TG: variants seen among roughly 807,000 people sequenced by gnomAD.
TG encodes thyroglobulin.
TG carries 270 observed loss-of-function variants against 324.7 expected under a neutral mutation model. The ratio of observed to expected loss-of-function variants is 0.83; its 90% CI spans 0.75 to 0.92. TG has a LOEUF of 0.92. Ranked by LOEUF, TG falls within the 40% of genes least tolerant of loss-of-function variation. TG has a pLI of 0.00. For synonymous variants in TG, 1,401 were observed against 1,327.0 expected (o/e 1.06, Z -1.21); for missense variants, 3,591 against 3,456.4 (o/e 1.04, Z -0.98).
intron 40 of TG, among the ~76,000 whole-genome samples, chr8:133,023,309 AT>A (rs33939013): frequency 0.16 from 24,892 of 152,012 alleles, 2,595 homozygotes; most frequent in African/African-American, 0.29. Flanking sequence ...CAGATTTCAG[AT>A]TTTTTTTGAT....
chr8:132,946,939 C>T (rs2205452), intron 26 of TG, among the ~76,000 whole-genome samples: 121,029 of 152,116 alleles, frequency 0.8, 48,212 homozygotes, highest in Admixed American at 0.85. Context: ...AAAGGAAAAA[C>T]GCACTCTGCC....
chr8:132,900,361 C>A, intron 15 of TG, 22 bp downstream of exon 15: 1 of 1,593,376 alleles, frequency 6.3e-7, no homozygotes, highest in East Asian at 2.3e-5. Flanking sequence ...CCCCTCCTGG[C>A]ATGGCTTCTC....
Position 132,888,377 on chromosome 8 carries a change from C to T in TG, c.2570C>T (p.Pro857Leu). 6.2e-7 allele frequency: 1 copy of T among 1,614,130 alleles called. No homozygotes were observed. The highest frequency in any genetic ancestry group is 8.5e-7 in the Non-Finnish European group (1 of 1,180,016). ...GCACTGGAAGGGAAACGGCCCCAGC[C>T]CAGGGAGAATATCCTCCTGGAGCCC... ...LAALEGKRPQ[P>L]RENILLEPYL... Residue 857 changes from proline to leucine, a missense_variant, in exon 10 of 48, where the codon CCC (proline) becomes CTC (leucine). Coordinates refer to ENST00000220616, the MANE Select transcript of TG (RefSeq NM_003235.5).
chr8:132,961,006 A>G lies in TG; in HGVS notation c.5402-2A>G. Reference sequence around the variant, plus strand: ...CATAAAAATAAACATCTTCCTTTGCAGGTCTGACACCCTTAGAAGGAACTC... The same window carrying G: ...CATAAAAATAAACATCTTCCTTTGCGGGTCTGACACCCTTAGAAGGAACTC... On this transcript the variant is annotated splice_acceptor_variant, in intron 27 of 47. Transcript: ENST00000220616. LOFTEE classifies it high-confidence loss of function. 1 of 1,614,016 alleles carries G rather than the reference A, an allele frequency of 6.2e-7. No individual in the cohort carries two copies. Among genetic ancestry groups the G allele is most frequent in the Non-Finnish European group, 8.5e-7 (1 of 1,179,900 alleles).
chr8:133,128,884 T>C (rs1164968979), intron 45 of TG, among the ~76,000 whole-genome samples: 1 of 152,212 alleles, frequency 6.6e-6, no homozygotes, highest in Non-Finnish European at 1.5e-5. Flanking sequence ...CGCAGGGCAA[T>C]GAAGCCACAT....
chr8:132,970,414 T>C (rs1564020674), intron 32 of TG, among the ~76,000 whole-genome samples: 1 of 152,114 alleles, frequency 6.6e-6, no homozygotes, highest in East Asian at 1.9e-4. Flanking sequence ...TTGGGTCCTA[T>C]TTCAAACCTG....
chr8:133,075,219 G>C, intron 41 of TG: 1 of 730,790 alleles, frequency 1.4e-6, no homozygotes, highest in Non-Finnish European at 1.7e-6. Flanking sequence ...TCAGAAGCTT[G>C]GTCTTCTTTC....
Position 132,873,177 on chromosome 8 carries a change from C to T in TG, c.594C>T (p.Asn198=). 6.2e-7 allele frequency: 1 copy of T among 1,614,142 alleles called. No homozygotes were observed. The highest frequency in any genetic ancestry group is 1.3e-5 in the African/African-American group (1 of 75,016). Residue 198 remains asparagine, a synonymous_variant, in exon 5 of 48, where the codon AAC becomes AAT. Coordinates refer to ENST00000220616, the MANE Select transcript of TG (RefSeq NM_003235.5). ...TGCCTGTCCAGTGCAAATTTGTCAA[C>T]ACCACAGACATGATGATTTTTGATC... ...EFMPVQCKFV[N]TTDMMIFDLV...
At position 132,887,444 on chromosome 8, in the gene TG, G is replaced by A. The variant is rs770564295; in HGVS notation, c.2072G>A (p.Gly691Glu). Residue 691 changes from glycine (G) to glutamate (E), a missense_variant, in exon 9 of 48, where the codon GGA (glycine) becomes GAA (glutamate). By Grantham distance (98) the Gly-to-Glu change is moderately conservative (BLOSUM62 -2). Transcript: ENST00000220616. ...TTTGTCCCTGCTTGTACTAGTGAGG[G>A]ACATTTCCTGCCTGTCCAGTGCTTC... ...TLFVPACTSEGHFLPVQCFNS... is the reference protein window; with the variant it reads ...TLFVPACTSEEHFLPVQCFNS... 1.2e-6 allele frequency: 2 copies of A among 1,614,108 alleles called. No individual in the cohort carries two copies. The highest frequency in any genetic ancestry group is 8.5e-7 in the Non-Finnish European group (1 of 1,179,990).
intron 25 of TG, 122 bp from the exon 26 acceptor site, chr8:132,941,229 C>T: frequency 8.3e-7 from 1 of 1,201,966 alleles, no homozygotes; most frequent in Non-Finnish European, 1.2e-6. Context: ...TCATCTTGGC[C>T]CACACGCTGC....
chr8:133,026,261 C>T (rs1482419782), intron 40 of TG, among the ~76,000 whole-genome samples: 1 of 152,174 alleles, frequency 6.6e-6, no homozygotes, highest in African/African-American at 2.4e-5. Flanking sequence ...CCCTGAGAGC[C>T]CCAGACTCCA....
At chr8:132,977,346 A>G (rs1247949687) in intron 34 of TG, among the ~76,000 whole-genome samples, 1 of 151,980 alleles carries the variant, frequency 6.6e-6, no homozygotes, top group African/African-American at 2.4e-5. Context: ...TTTACCAAGG[A>G]TTTGATGAAT....
At chr8:132,909,255 G>A (rs1229368089) in intron 18 of TG, among the ~76,000 whole-genome samples, 2 of 152,192 alleles carry the variant, frequency 1.3e-5, no homozygotes, top group Non-Finnish European at 2.9e-5. Context: ...ATGAGAAGCA[G>A]CAGGAATCTT....
chr8:132,900,266 G>A lies in TG; in HGVS notation c.3360G>A (p.Ser1120=), dbSNP rs1357840489. 8.1e-6 allele frequency: 13 copies of A among 1,613,730 alleles called. No individual in the cohort carries two copies. Among genetic ancestry groups the A allele is most frequent in the Middle Eastern group, 1.6e-4 (1 of 6,080 alleles). ...GAGAGTATGCCAGGCTGCAGGCATC[G>A]GGGGCTGGCACCTGGTGTGTGGACC... The part of the protein sequence containing the change: ...ETGEYARLQA[S]GAGTWCVDPA... The change falls in exon 15 of 48, where the codon TCG becomes TCA. Residue 1120 remains serine (S), a synonymous_variant. Transcript: ENST00000220616.
At chr8:133,039,785 C>T (rs552182100) in intron 41 of TG, among the ~76,000 whole-genome samples, 1 of 152,324 alleles carries the variant, frequency 6.6e-6, no homozygotes, top group East Asian at 1.9e-4. Context: ...AGCTGCCACA[C>T]ACCTCGTGAG....
At chr8:132,908,906 G>T (rs1318069769) in intron 18 of TG, among the ~76,000 whole-genome samples, 2 of 152,104 alleles carry the variant, frequency 1.3e-5, no homozygotes, top group Non-Finnish European at 2.9e-5. Context: ...CTGGGGGAGA[G>T]GAACCCCTGC....
chr8:132,983,864 A>T lies in TG; in HGVS notation c.6262+452A>T, dbSNP rs1831203943. 1.2e-5 allele frequency: 3 copies of T among 255,562 alleles called. No homozygotes were observed. In the South Asian group the frequency reaches 1.3e-4, roughly 11 times the overall value. 15.8% of individuals were successfully genotyped at this position (255,562 alleles called of 1,614,324 possible). A position where few individuals can be genotyped will look rare whatever the true frequency, so the allele number is the denominator to read the frequency against. On this transcript the variant is annotated intron_variant, in intron 35 of 47. Coordinates refer to ENST00000220616, the MANE Select transcript of TG (RefSeq NM_003235.5). ...CTGGGCAGCACTGTGACATCTAATGATGAAACACTGGCCCTGAGTCCAGGA... is the reference window on the plus strand; with the variant it reads ...CTGGGCAGCACTGTGACATCTAATGTTGAAACACTGGCCCTGAGTCCAGGA...
In TG at chr8:132,893,723, T is replaced by G; in HGVS notation, c.2795T>G (p.Val932Gly). 1.2e-6 allele frequency: 2 copies of G among 1,613,940 alleles called. No individual in the cohort carries two copies. The highest frequency in any genetic ancestry group is 1.7e-6 in the Non-Finnish European group (2 of 1,179,908). Residue 932 changes from valine to glycine, a missense_variant, in exon 11 of 48, where the codon GTA (valine) becomes GGA (glycine). Val to Gly is a moderately radical substitution (Grantham distance 109, BLOSUM62 -3). Transcript: ENST00000220616. ...PGSCEEAKLR[V>G]LQFIRETEEI... Reference sequence around the variant, plus strand: ...TCCTGTGAGGAAGCAAAGCTCCGTGTACTGCAGTTCATTAGGGAAACGGAA... The same window carrying G: ...TCCTGTGAGGAAGCAAAGCTCCGTGGACTGCAGTTCATTAGGGAAACGGAA...
chr8:132,964,759 A>C, intron 29 of TG: 1 of 617,116 alleles, frequency 1.6e-6, no homozygotes, highest in Non-Finnish European at 2.9e-6. Context: ...GGCCTTGGAC[A>C]TTCACAGGCT....
Sources: gnomAD v4.1 joint callset for allele counts (sites outside exome capture counted in the v4.1 genomes callset) on GRCh38, gnomAD v4.1.1 for gene constraint, MANE v1.5 for transcripts, NCBI Gene and HGNC (gene_info 2026-07-23, HGNC 2026-07-21) for gene names.